EFCAB13: variants seen among roughly 807,000 people sequenced by gnomAD.
EFCAB13 encodes the protein EF-hand calcium binding domain 13, also known as EF-hand calcium-binding domain-containing protein 13.
A neutral mutation model predicts 110.2 loss-of-function variants in EFCAB13; 91 were observed. The observed-to-expected ratio is 0.83, with a 90% CI of 0.70 to 0.98. EFCAB13 has a LOEUF of 0.98. Among genes scored for constraint, EFCAB13 ranks in the 50% least tolerant of loss-of-function variants. The probability of loss-of-function intolerance (pLI) is 0.00; values close to 1 mark genes in which losing one functional copy is unlikely to be tolerated. For synonymous variants in EFCAB13, 323 were observed against 369.9 expected (o/e 0.87, Z 1.45); for missense variants, 968 against 1,119.4 (o/e 0.86, Z 1.93).
In EFCAB13 at chr17:47,344,232, C is replaced by T. The variant is rs1302254002; in HGVS notation, c.374C>T (p.Pro125Leu). The T allele has an allele frequency of 3.1e-6, 5 of 1,613,036 alleles. No homozygotes were observed. Among genetic ancestry groups the T allele is most frequent in the South Asian group, 1.1e-5 (1 of 91,002 alleles). ...TRKENSLCKLPNQYSVHKTSS... is the reference protein window; with the variant it reads ...TRKENSLCKLLNQYSVHKTSS... ...AAAGAAAACTCTTTATGCAAGTTGC[C>T]GAATCAGTACAGCGTTCACAAGACT... is the stretch of plus-strand genomic sequence containing the variant. The change falls in exon 7 of 25, where the codon CCG becomes CTG. Residue 125 changes from proline to leucine, a missense_variant. Physicochemically the swap from Pro to Leu is moderately conservative, Grantham distance 98 (BLOSUM62 -3). Transcript: ENST00000331493.
chr17:47,378,165 T>C (rs1443765301), intron 13 of EFCAB13, among the ~76,000 whole-genome samples: 1 of 152,210 alleles, frequency 6.6e-6, no homozygotes, highest in Non-Finnish European at 1.5e-5. Flanking sequence ...TGCCTATTAA[T>C]AGTAGGGTAG....
intron 9 of EFCAB13, among the ~76,000 whole-genome samples, chr17:47,357,463 T>C (rs1378818671): frequency 6.6e-6 from 1 of 152,238 alleles, no homozygotes; most frequent in Non-Finnish European, 1.5e-5. Context: ...TACTCCAGGC[T>C]GGAGTGCAAT....
chr17:47,329,248 G>T (rs1011056427), intron 4 of EFCAB13, among the ~76,000 whole-genome samples: 1 of 152,086 alleles, frequency 6.6e-6, no homozygotes, highest in African/African-American at 2.4e-5. Flanking sequence ...TAAGTCATAT[G>T]GGGAGGAGTG....
chr17:47,348,782 G>T (rs2065432297), intron 9 of EFCAB13, among the ~76,000 whole-genome samples: 1 of 150,286 alleles, frequency 6.7e-6, no homozygotes, highest in Admixed American at 6.6e-5. Flanking sequence ...ATTGTATTTT[G>T]AGATTCTTTA....
intron 23 of EFCAB13, among the ~76,000 whole-genome samples, chr17:47,417,783 C>T (rs912950798): frequency 6.6e-6 from 1 of 152,156 alleles, no homozygotes; most frequent in Non-Finnish European, 1.5e-5. Flanking sequence ...ACAGCTTTCT[C>T]CAGCAGGAGT....
intron 10 of EFCAB13, chr17:47,369,785 G>A (rs2065571127): frequency 6.6e-6 from 1 of 152,318 alleles, no homozygotes; most frequent in African/African-American, 2.4e-5. Context: ...TTCTACCTCT[G>A]TGCACAATTG....
intron 10 of EFCAB13, among the ~76,000 whole-genome samples, chr17:47,363,457 C>T (rs930106989): frequency 6.6e-6 from 1 of 150,526 alleles, no homozygotes; most frequent in Non-Finnish European, 1.5e-5. Flanking sequence ...GAATAAAACA[C>T]ACTTCTTTTT....
rs1905315411 is a variant in EFCAB13, at chr17:47,441,063, C to T, written c.*349C>T. Reference sequence around the variant, plus strand: ...TGCCCTTTTGGTAATCCATTTCTTCCTCTACCCTGAGCCCCTGGCAACTAC... The same window carrying T: ...TGCCCTTTTGGTAATCCATTTCTTCTTCTACCCTGAGCCCCTGGCAACTAC... On this transcript the variant is annotated 3_prime_UTR_variant, in exon 25 of 25. Transcript: ENST00000331493. 1 of 158,926 alleles carries T rather than the reference C, an allele frequency of 6.3e-6. No homozygotes were observed. Among genetic ancestry groups the T allele is most frequent in the Admixed American group, 6.3e-5 (1 of 15,760 alleles). 9.8% of individuals were successfully genotyped at this position (158,926 alleles called of 1,614,324 possible).
intron 14 of EFCAB13, among the ~76,000 whole-genome samples, chr17:47,385,836 T>C (rs2065672702): frequency 6.6e-6 from 1 of 152,196 alleles, no homozygotes; most frequent in South Asian, 2.1e-4. Context: ...CTTATGTTGA[T>C]GATGTTACTG....
intron 8 of EFCAB13, among the ~76,000 whole-genome samples, chr17:47,346,364 T>A (rs986758997): frequency 6.6e-6 from 1 of 151,816 alleles, no homozygotes; most frequent in Non-Finnish European, 1.5e-5. Flanking sequence ...TTCATGTTAT[T>A]ACATATTACA....
intron 23 of EFCAB13, among the ~76,000 whole-genome samples, chr17:47,419,954 G>T (rs572492517): frequency 1.6e-4 from 22 of 140,414 alleles, no homozygotes; most frequent in African/African-American, 5.6e-4. Context: ...CTCTCCCCAC[G>T]GTCTCCCTCT....
intron 4 of EFCAB13, among the ~76,000 whole-genome samples, chr17:47,329,408 G>C (rs376130072): frequency 6.6e-6 from 1 of 151,996 alleles, no homozygotes; most frequent in Admixed American, 6.6e-5. Flanking sequence ...AAGATCTGAC[G>C]CTACTGTGTA....
intron 14 of EFCAB13, among the ~76,000 whole-genome samples, chr17:47,386,899 G>A (rs1417319760): frequency 3.8e-5 from 5 of 132,150 alleles, no homozygotes; most frequent in African/African-American, 8.5e-5. Context: ...CCCCGCCGCC[G>A]CCTGCTCCTT....
At chr17:47,428,385 A>G (rs1413792037) in intron 23 of EFCAB13, among the ~76,000 whole-genome samples, 1 of 152,022 alleles carries the variant, frequency 6.6e-6, no homozygotes, top group Non-Finnish European at 1.5e-5. Context: ...GGGAGATATA[A>G]TTTTTGAGTC....
intron 5 of EFCAB13, among the ~76,000 whole-genome samples, chr17:47,339,275 G>A (rs534418694): frequency 1.3e-5 from 2 of 152,144 alleles, no homozygotes; most frequent in East Asian, 1.9e-4. Context: ...TCTTATTGTT[G>A]TGTAGTTTAT....
intron 23 of EFCAB13, among the ~76,000 whole-genome samples, chr17:47,424,172 C>G (rs1007617087): frequency 2.0e-5 from 3 of 152,170 alleles, no homozygotes; most frequent in Admixed American, 1.3e-4. Flanking sequence ...CCTAGTCCAC[C>G]GGAGGAGCCG....
At chr17:47,369,969 A>G (rs2065572355) in intron 10 of EFCAB13, 1 of 164,718 alleles carries the variant, frequency 6.1e-6, no homozygotes, top group Non-Finnish European at 1.3e-5. Flanking sequence ...TAGACATTAC[A>G]TTGTTTTTTA....
chr17:47,328,195 C>T, intron 3 of EFCAB13, 74 bp from the exon 4 acceptor site: 1 of 722,816 alleles, frequency 1.4e-6, no homozygotes, highest in Admixed American at 2.3e-5. Context: ...GAAGAGATAA[C>T]TTCAGGTAGG....
intron 5 of EFCAB13, among the ~76,000 whole-genome samples, chr17:47,336,629 C>T (rs1414948732): frequency 1.6e-5 from 2 of 127,684 alleles, no homozygotes; most frequent in African/African-American, 3.0e-5. Flanking sequence ...TTAGTAGAGA[C>T]GGGATTTCAC....
Sources: gnomAD v4.1 joint callset for allele counts (sites outside exome capture counted in the v4.1 genomes callset) on GRCh38, gnomAD v4.1.1 for gene constraint, MANE v1.5 for transcripts, NCBI Gene and HGNC (gene_info 2026-07-23, HGNC 2026-07-21) for gene names.